CPA6: variants seen among roughly 807,000 people sequenced by gnomAD.
CPA6 encodes carboxypeptidase A6.
In CPA6, 58 loss-of-function variants were observed where a neutral mutation model predicts 63.3. That is an observed-to-expected ratio of 0.92 (90% CI 0.74 to 1.14). The LOEUF (loss-of-function observed/expected upper bound fraction) is 1.14, where lower values mean the gene tolerates loss of function less well. Ranked by LOEUF, CPA6 falls within the 50% of genes most tolerant of loss-of-function variation. The pLI, the probability that CPA6 is intolerant of heterozygous loss-of-function variation, is 0.00. For missense variants in CPA6, 565 were observed against 526.6 expected (o/e 1.07, Z -0.71); for synonymous variants, 185 against 179.0 (o/e 1.03, Z -0.27).
intron 1 of CPA6, among the ~76,000 whole-genome samples, chr8:67,709,583 G>A (rs531263463): frequency 6.6e-6 from 1 of 152,264 alleles, no homozygotes; most frequent in African/African-American, 2.4e-5. Context: ...AAAATTTTTA[G>A]AGTTTGATTC....
In CPA6 at chr8:67,684,001, GTATATATATATATA is replaced by G. The variant is rs3056573; in HGVS notation, c.117-59764_117-59751del. Among the ~76,000 whole-genome samples the G allele has an allele frequency of 1.0e-3, 118 of 116,982 alleles. 1 individual carries two copies. Among genetic ancestry groups the G allele is most frequent in the Admixed American group, 3.1e-3 (34 of 10,828 alleles). The allele number at this position is 116,982 out of a possible 152,430, so 76.7% of individuals were successfully genotyped here. On this transcript the variant is annotated intron_variant, in intron 1 of 10. Transcript: ENST00000297770. Reference sequence around the variant, plus strand: ...TGTTATGTCTGGCTGATTTTAAAATGTATATATATATATATATATATATATATATAATTTTTATT... The same window carrying G: ...TGTTATGTCTGGCTGATTTTAAAATGTATATATATATATATAATTTTTATT...
At chr8:67,694,796 G>C (rs555891262) in intron 1 of CPA6, among the ~76,000 whole-genome samples, 1 of 152,314 alleles carries the variant, frequency 6.6e-6, no homozygotes, top group East Asian at 1.9e-4. Flanking sequence ...TTGAAAGACA[G>C]TAGTGAAGGA....
At chr8:67,661,079 C>A (rs1283143544) in intron 1 of CPA6, among the ~76,000 whole-genome samples, 2 of 152,124 alleles carry the variant, frequency 1.3e-5, no homozygotes, top group Non-Finnish European at 2.9e-5. Flanking sequence ...TGCTCACACA[C>A]AATAAGTAAA....
chr8:67,482,529 T>TTTTAAG lies in CPA6; in HGVS notation c.838+1238_838+1239insCTTAAA, dbSNP rs1331899799. ...AAATGCAAGTGCTTTTAAGTATACA[T>TTTTAAG]TATTGCTCATCATCACAACATTCCC... On this transcript the variant is annotated intron_variant, in intron 8 of 10. Transcript: ENST00000297770. 2.0e-5 allele frequency among the ~76,000 whole-genome samples: 3 copies of TTTTAAG among 152,230 alleles called. 1 individual carries two copies. Among genetic ancestry groups the TTTTAAG allele is most frequent in the Non-Finnish European group, 2.9e-5 (2 of 68,038 alleles).
chr8:67,623,945 C>T (rs985018295), intron 2 of CPA6, among the ~76,000 whole-genome samples: 34 of 151,862 alleles, frequency 2.2e-4, no homozygotes, highest in Admixed American at 5.9e-4. Flanking sequence ...TGCAGTGAGC[C>T]GAGATCGCAC....
chr8:67,730,286 A>G (rs1250996437), intron 1 of CPA6, among the ~76,000 whole-genome samples: 2 of 152,174 alleles, frequency 1.3e-5, no homozygotes, highest in Admixed American at 6.5e-5. Flanking sequence ...GAAAACACTT[A>G]TGTTTACCCA....
At chr8:67,655,857 T>C (rs561282888) in intron 1 of CPA6, among the ~76,000 whole-genome samples, 2 of 152,272 alleles carry the variant, frequency 1.3e-5, no homozygotes, top group East Asian at 3.9e-4. Flanking sequence ...GAAGACAGTA[T>C]CTGAAAAAGG....
intron 1 of CPA6, chr8:67,732,706 G>T (rs16933550): frequency 0.032 from 4,822 of 152,514 alleles, 237 homozygotes; most frequent in African/African-American, 0.11. Context: ...GGCAGATGTG[G>T]AGGAACATGC....
intron 2 of CPA6, among the ~76,000 whole-genome samples, chr8:67,534,397 G>C (rs939972106): frequency 6.6e-6 from 1 of 151,898 alleles, no homozygotes; most frequent in African/African-American, 2.4e-5. Flanking sequence ...GTAGGCAAGT[G>C]GTTCAATATT....
chr8:67,493,861 A>G lies in CPA6; in HGVS notation c.637-9072T>C, dbSNP rs189926913. Among the ~76,000 whole-genome samples the G allele has an allele frequency of 5.9e-5, 9 of 151,986 alleles. No homozygotes were observed. In the East Asian group the frequency reaches 1.2e-3, roughly 20 times the overall value. ...ATCCACCTGTATATTATACATCTTC[A>G]ATGTCTAGGAGAACTTTCCATTTCA... On this transcript the variant is annotated intron_variant, in intron 6 of 10. Coordinates refer to ENST00000297770, the MANE Select transcript of CPA6 (RefSeq NM_020361.5).
At chr8:67,681,489 G>A (rs990899687) in intron 1 of CPA6, among the ~76,000 whole-genome samples, 6 of 152,112 alleles carry the variant, frequency 3.9e-5, no homozygotes, top group African/African-American at 1.2e-4. Flanking sequence ...GATTACAGGC[G>A]TGAGCCACCG....
intron 8 of CPA6, among the ~76,000 whole-genome samples, chr8:67,436,386 A>G (rs112844888): frequency 7.3e-6 from 1 of 137,300 alleles, no homozygotes; most frequent in South Asian, 2.3e-4. Flanking sequence ...GTTGTTGGGT[A>G]TTTTTTTTTT....
At chr8:67,510,771 T>C (rs1812026526) in intron 4 of CPA6, among the ~76,000 whole-genome samples, 1 of 152,194 alleles carries the variant, frequency 6.6e-6, no homozygotes. Flanking sequence ...TGCCTGCCAC[T>C]GGAGTTACAG....
At chr8:67,700,945 T>C (rs1051928683) in intron 1 of CPA6, among the ~76,000 whole-genome samples, 3 of 152,122 alleles carry the variant, frequency 2.0e-5, no homozygotes, top group Admixed American at 1.3e-4. Flanking sequence ...CATAAAGATA[T>C]GACAATGGCT....
chr8:67,542,399 G>T (rs1812725634), intron 2 of CPA6, among the ~76,000 whole-genome samples: 1 of 152,210 alleles, frequency 6.6e-6, no homozygotes, highest in South Asian at 2.1e-4. Context: ...TTTGAGAAAG[G>T]TTAAGTCTTC....
At position 67,623,879 on chromosome 8, in the gene CPA6, G is replaced by A. The variant is rs552549167; in HGVS notation, c.192+297C>T. Among the ~76,000 whole-genome samples, 69 of 152,140 alleles carry A rather than the reference G, an allele frequency of 4.5e-4. No homozygotes were observed. The East Asian group carries it at 0.013, about 29-fold the overall frequency. The stretch of plus-strand genomic sequence containing the variant: ...TCAAGACCAGCCTGGCCAGCATAGT[G>A]AAACCCCGTCTCTACTAAGAGGCCG... On this transcript the variant is annotated intron_variant, in intron 2 of 10. Transcript: ENST00000297770.
chr8:67,607,771 A>G (rs962773362), intron 2 of CPA6, among the ~76,000 whole-genome samples: 4 of 152,100 alleles, frequency 2.6e-5, no homozygotes, highest in Non-Finnish European at 5.9e-5. Context: ...TGTGATATCT[A>G]TGTTCCTTTG....
chr8:67,597,103 G>T (rs1425895676), intron 2 of CPA6, among the ~76,000 whole-genome samples: 2 of 151,604 alleles, frequency 1.3e-5, no homozygotes, highest in African/African-American at 4.9e-5. Flanking sequence ...AGCATAGTTT[G>T]TGACTACGCA....
intron 2 of CPA6, among the ~76,000 whole-genome samples, chr8:67,604,350 G>T (rs534897752): frequency 2.0e-5 from 3 of 152,270 alleles, no homozygotes; most frequent in African/African-American, 7.2e-5. Context: ...GGAAGCGGTG[G>T]TTATTCCCAA....
Sources: gnomAD v4.1 joint callset for allele counts (sites outside exome capture counted in the v4.1 genomes callset) on GRCh38, gnomAD v4.1.1 for gene constraint, MANE v1.5 for transcripts, NCBI Gene and HGNC (gene_info 2026-07-23, HGNC 2026-07-21) for gene names.